The following DPH6 variants were observed in gnomAD, a reference collection of about 807,000 sequenced individuals.
The protein encoded by DPH6 is diphthamine biosynthesis 6.
DPH6 carries 33 observed loss-of-function variants against 38.2 expected under a neutral mutation model. The ratio of observed to expected loss-of-function variants is 0.86; its 90% confidence interval spans 0.65 to 1.15. DPH6 has a LOEUF of 1.15. DPH6 is among the 50% of genes most tolerant of loss of function. DPH6 has a pLI of 0.00. For missense variants in DPH6, 325 were observed against 320.0 expected (o/e 1.02, Z -0.12); for synonymous variants, 108 against 103.0 (o/e 1.05, Z -0.30).
At chr15:35,320,100 A>T (rs1026390772) in intron 3 of DPH6, among the ~76,000 whole-genome samples, 1 of 152,146 alleles carries the variant, frequency 6.6e-6, no homozygotes, top group African/African-American at 2.4e-5. Flanking sequence ...AAAAATCACG[A>T]ATCATTTCAT....
At chr15:35,350,844 C>T (rs1023759154) in intron 3 of DPH6, among the ~76,000 whole-genome samples, 5 of 152,058 alleles carry the variant, frequency 3.3e-5, no homozygotes, top group Non-Finnish European at 7.4e-5. Flanking sequence ...TGTTTTGTGG[C>T]CTAACATGTC....
chr15:35,366,911 A>C (rs1020374824), downstream of DPH6, among the ~76,000 whole-genome samples: 3 of 151,972 alleles, frequency 2.0e-5, no homozygotes, highest in Non-Finnish European at 4.4e-5. Context: ...ATGTAGACCT[A>C]GTAGTTTTTT....
chr15:35,436,335 G>C (rs572438349), intron 5 of DPH6, among the ~76,000 whole-genome samples: 2 of 151,478 alleles, frequency 1.3e-5, no homozygotes, highest in African/African-American at 2.4e-5. Flanking sequence ...GCGTGGTGGT[G>C]GGCGCCTGTA....
rs1222916994 is a variant in DPH6 at position 35,372,204 on chromosome 15, C to CT, written c.751-2dup. 6.8e-7 allele frequency: 1 copy of CT among 1,467,484 alleles called. No individual in the cohort carries two copies. The highest frequency in any genetic ancestry group is 8.9e-7 in the Non-Finnish European group (1 of 1,117,992). The allele number at this position is 1,467,484 out of a possible 1,614,324, so 90.9% of individuals were successfully genotyped here. On this transcript the variant is annotated splice_acceptor_variant, in intron 8 of 8. Coordinates refer to ENST00000256538, the MANE Select transcript of DPH6 (RefSeq NM_080650.4). LOFTEE classifies it high-confidence loss of function. ...TGTAGTTGTCAGGCACTGAGGACAC[C>CT]TAAAAAAAAAAGGGAAGGAAAGGGA...
At chr15:35,345,131 T>G (rs2052451262) in intron 3 of DPH6, among the ~76,000 whole-genome samples, 1 of 151,872 alleles carries the variant, frequency 6.6e-6, no homozygotes, top group South Asian at 2.1e-4. Flanking sequence ...TTAGAAGATA[T>G]GCCCAAAGTC....
intron 3 of DPH6, among the ~76,000 whole-genome samples, chr15:35,456,964 T>G (rs1595381340): frequency 6.6e-6 from 1 of 151,984 alleles, no homozygotes; most frequent in East Asian, 1.9e-4. Context: ...TATTTTTAAT[T>G]TTTATTTATT....
intron 3 of DPH6, among the ~76,000 whole-genome samples, chr15:35,286,844 T>G (rs987693599): frequency 6.6e-6 from 1 of 152,194 alleles, no homozygotes; most frequent in Non-Finnish European, 1.5e-5. Context: ...CCCCTGAAGA[T>G]TATCTAAGAG....
At chr15:35,522,010 A>G (rs2054928861) in intron 3 of DPH6, 3 of 1,513,346 alleles carry the variant, frequency 2.0e-6, no homozygotes, top group Non-Finnish European at 2.7e-6. Flanking sequence ...CAGAATGAAA[A>G]ACAGGGACAG....
intron 3 of DPH6, chr15:35,237,487 C>A: frequency 6.3e-7 from 1 of 1,575,498 alleles, no homozygotes. Context: ...ACGTAGGCCT[C>A]ACCTCAACTG....
the DPH6 span, among the ~76,000 whole-genome samples, chr15:35,175,541 T>A: frequency 1.3e-5 from 2 of 152,244 alleles, no homozygotes; most frequent in Non-Finnish European, 2.9e-5. Context: ...ATAATTTGCC[T>A]CAAATTGCAG....
intron 3 of DPH6, among the ~76,000 whole-genome samples, chr15:35,235,361 T>C (rs2140395755): frequency 6.6e-6 from 1 of 152,316 alleles, no homozygotes; most frequent in East Asian, 1.9e-4. Context: ...CTCTTTCCTG[T>C]CCTGACCTTC....
chr15:35,323,131 T>G (rs958923562), intron 3 of DPH6, among the ~76,000 whole-genome samples: 1 of 152,178 alleles, frequency 6.6e-6, no homozygotes, highest in Non-Finnish European at 1.5e-5. Context: ...TCAAATCTTA[T>G]ATAGTGGAGA....
At position 35,521,999 on chromosome 15, in the gene DPH6, G is replaced by A. The variant is rs1244432431; in HGVS notation, c.312+16275C>T. ...AAACTAAGCCGTCAACTACCAGCAA[G>A]CAGAATGAAAAACAGGGACAGATCA... On this transcript the variant is annotated intron_variant, in intron 3 of 8. Transcript: ENST00000256538. 10 of 1,490,416 alleles carry A rather than the reference G, an allele frequency of 6.7e-6. No individual in the cohort carries two copies. The East Asian group carries it at 2.1e-4, about 32-fold the overall frequency. 92.3% of individuals were successfully genotyped at this position (1,490,416 alleles called of 1,614,324 possible).
chr15:35,293,030 AC>A (rs1295058343), intron 3 of DPH6, among the ~76,000 whole-genome samples: 2 of 152,176 alleles, frequency 1.3e-5, no homozygotes, highest in Non-Finnish European at 2.9e-5. Flanking sequence ...ATAATAATGA[AC>A]ATAAGGTTCA....
chr15:35,374,625 C>G (rs967679094), intron 7 of DPH6, among the ~76,000 whole-genome samples: 2 of 151,980 alleles, frequency 1.3e-5, no homozygotes, highest in African/African-American at 4.8e-5. Context: ...ATTCATGAAC[C>G]TTTAGTATCA....
At chr15:35,504,975 T>C (rs933346413) in intron 3 of DPH6, among the ~76,000 whole-genome samples, 2 of 152,104 alleles carry the variant, frequency 1.3e-5, no homozygotes, top group Non-Finnish European at 2.9e-5. Context: ...ATTATAAATA[T>C]TACCAGGTAT....
intron 3 of DPH6, among the ~76,000 whole-genome samples, chr15:35,346,501 T>G (rs1412258408): frequency 6.6e-6 from 1 of 152,118 alleles, no homozygotes; most frequent in Non-Finnish European, 1.5e-5. Context: ...TGCTGATTAT[T>G]TTTACCTCCT....
intron 2 of DPH6, 59 bp downstream of exon 2, chr15:35,542,354 A>AAT: frequency 7.2e-7 from 1 of 1,382,244 alleles, no homozygotes; most frequent in Non-Finnish European, 1.0e-6. Flanking sequence ...TGTACAATGT[A>AAT]ATTATGAAGT....
chr15:35,160,779 T>C, the DPH6 span, among the ~76,000 whole-genome samples: 1 of 151,966 alleles, frequency 6.6e-6, no homozygotes, highest in Non-Finnish European at 1.5e-5. Flanking sequence ...ATTTGACCCA[T>C]CAATGGCATT....
Sources: gnomAD v4.1 joint callset for allele counts (sites outside exome capture counted in the v4.1 genomes callset) on GRCh38, gnomAD v4.1.1 for gene constraint, MANE v1.5 for transcripts, NCBI Gene and HGNC (gene_info 2026-07-23, HGNC 2026-07-21) for gene names.